The following ADD3 variants were observed in gnomAD, a reference collection of about 807,000 sequenced individuals.
The protein encoded by ADD3 is gamma-adducin.
A neutral mutation model predicts 80.2 loss-of-function variants in ADD3; 25 were observed. That is an observed-to-expected ratio of 0.31 (90% CI 0.23 to 0.44). ADD3 has a LOEUF of 0.44. Among genes scored for constraint, ADD3 ranks in the 20% least tolerant of loss-of-function variants. ADD3 has a pLI of 1.00. For missense variants in ADD3, 829 were observed against 847.5 expected, an observed-to-expected ratio of 0.98 and a Z score of 0.27; for synonymous variants, 284 against 289.6, an observed-to-expected ratio of 0.98 and a Z score of 0.20.
At chr10:110,012,795 C>T (rs776795570) in intron 1 of ADD3, among the ~76,000 whole-genome samples, 13 of 151,506 alleles carry the variant, frequency 8.6e-5, no homozygotes, top group Non-Finnish European at 1.8e-4. Context: ...AGACAGCTCT[C>T]ACTATGTTGC....
chr10:110,038,440 C>A (rs1368903099), intron 1 of ADD3, among the ~76,000 whole-genome samples: 2 of 152,200 alleles, frequency 1.3e-5, no homozygotes, highest in African/African-American at 4.8e-5. Flanking sequence ...AGCGTAAAAA[C>A]AATTTTGTAT....
At chr10:110,037,926 G>A (rs1855855560) in intron 1 of ADD3, among the ~76,000 whole-genome samples, 1 of 151,826 alleles carries the variant, frequency 6.6e-6, no homozygotes, top group African/African-American at 2.4e-5. Context: ...AATTAGCTGG[G>A]TGTGTGGTGG....
At chr10:110,056,785 A>G (rs929526021) in intron 1 of ADD3, among the ~76,000 whole-genome samples, 4 of 152,230 alleles carry the variant, frequency 2.6e-5, no homozygotes, top group Admixed American at 6.5e-5. Context: ...CTCTATAGCG[A>G]GTAAAACTTG....
chr10:110,115,661 C>T (rs1008477754), intron 3 of ADD3, among the ~76,000 whole-genome samples: 3 of 151,950 alleles, frequency 2.0e-5, no homozygotes, highest in Non-Finnish European at 2.9e-5. Flanking sequence ...ACATGGGCCT[C>T]GAGAAGAGTT....
At chr10:110,063,603 AAG>A (rs765964165) in intron 1 of ADD3, among the ~76,000 whole-genome samples, 29 of 151,240 alleles carry the variant, frequency 1.9e-4, no homozygotes, top group Non-Finnish European at 2.7e-4. Context: ...TTGCTATAGA[AAG>A]AGGGGAGGCT....
At chr10:110,129,359 G>A (rs1852636633) in intron 12 of ADD3, among the ~76,000 whole-genome samples, 1 of 152,008 alleles carries the variant, frequency 6.6e-6, no homozygotes, top group African/African-American at 2.4e-5. Context: ...ATGTTGGTCA[G>A]GCTAGTCTCG....
At chr10:110,044,118 C>T (rs1210919477) in intron 1 of ADD3, among the ~76,000 whole-genome samples, 1 of 152,152 alleles carries the variant, frequency 6.6e-6, no homozygotes, top group African/African-American at 2.4e-5. Context: ...CATGAGATCG[C>T]TTGAACCTGG....
intron 1 of ADD3, among the ~76,000 whole-genome samples, chr10:110,010,903 A>G (rs1341383468): frequency 2.6e-5 from 4 of 152,210 alleles, no homozygotes; most frequent in Non-Finnish European, 5.9e-5. Flanking sequence ...GTTTAACCAC[A>G]TCCTCTGGTA....
intron 1 of ADD3, among the ~76,000 whole-genome samples, chr10:110,022,148 A>T (rs1853752514): frequency 6.6e-6 from 1 of 151,694 alleles, no homozygotes; most frequent in Admixed American, 6.6e-5. Flanking sequence ...TTTTTTTTTT[A>T]ACACTTGATT....
rs752064287 is a variant in ADD3 at position 110,122,205 on chromosome 10, TGGA to T, written c.1062_1064del (p.Gly355del). ...TCACTTACACTGTAGCAGCGTCTGG[TGGA>T]GGAGGTGTGAATATGGGTTCCCATC... On this transcript the variant is annotated inframe_deletion, in exon 9 of 15. Transcript: ENST00000356080. 15 of 1,614,038 alleles carry T rather than the reference TGGA, an allele frequency of 9.3e-6. No homozygotes were observed. The highest frequency in any genetic ancestry group is 1.2e-5 in the Non-Finnish European group (14 of 1,180,020).
intron 1 of ADD3, among the ~76,000 whole-genome samples, chr10:110,056,919 AC>A (rs1239975766): frequency 1.3e-5 from 2 of 152,210 alleles, no homozygotes; most frequent in Non-Finnish European, 2.9e-5. Context: ...CAGTGGCTAT[AC>A]TAATGGGAAG....
chr10:110,017,401 T>G (rs1853133316), intron 1 of ADD3, among the ~76,000 whole-genome samples: 1 of 152,226 alleles, frequency 6.6e-6, no homozygotes, highest in Non-Finnish European at 1.5e-5. Flanking sequence ...TATTTGATTT[T>G]GTCTATGTTA....
chr10:110,069,643 T>C (rs1238634672), intron 1 of ADD3, among the ~76,000 whole-genome samples: 1 of 152,170 alleles, frequency 6.6e-6, no homozygotes, highest in African/African-American at 2.4e-5. Context: ...TATAATGTAG[T>C]GCCACCTTGA....
At chr10:110,026,930 T>C (rs1389845622) in intron 1 of ADD3, among the ~76,000 whole-genome samples, 4 of 152,194 alleles carry the variant, frequency 2.6e-5, no homozygotes, top group African/African-American at 9.7e-5. Context: ...ATTTCAGTAA[T>C]GTATTCGAAG....
intron 1 of ADD3, among the ~76,000 whole-genome samples, chr10:110,056,753 G>T (rs1858242928): frequency 6.6e-6 from 1 of 152,088 alleles, no homozygotes; most frequent in Non-Finnish European, 1.5e-5. Context: ...GAAACAATTG[G>T]CACACATTTA....
chr10:110,071,234 A>G (rs768050499), intron 1 of ADD3, among the ~76,000 whole-genome samples: 1 of 152,200 alleles, frequency 6.6e-6, no homozygotes, highest in Non-Finnish European at 1.5e-5. Context: ...AGAGCCCCAT[A>G]TCCTTAGATG....
At chr10:110,128,750 C>CT (rs1457570333) in intron 12 of ADD3, among the ~76,000 whole-genome samples, 1 of 152,182 alleles carries the variant, frequency 6.6e-6, no homozygotes, top group Non-Finnish European at 1.5e-5. Context: ...TTCTTATTCC[C>CT]TGAATGTTCC....
rs1253354275 is a variant in ADD3, at chr10:110,097,919, C to T, written c.-29-2706C>T. Among the ~76,000 whole-genome samples, 7 of 152,034 alleles carry T rather than the reference C, an allele frequency of 4.6e-5. No individual in the cohort carries two copies. The South Asian group carries it at 6.2e-4, about 14-fold the overall frequency. On this transcript the variant is annotated intron_variant, in intron 1 of 14. Transcript: ENST00000356080. Reference sequence around the variant, plus strand: ...CCTCCTGAGTAGCTGGGACTACAGGCGCCTGCCACCACGCCTGGCTAATTT... The same window carrying T: ...CCTCCTGAGTAGCTGGGACTACAGGTGCCTGCCACCACGCCTGGCTAATTT...
intron 2 of ADD3, among the ~76,000 whole-genome samples, chr10:110,104,726 C>T (rs904877001): frequency 8.5e-5 from 13 of 152,172 alleles, no homozygotes; most frequent in Non-Finnish European, 1.3e-4. Flanking sequence ...TAAGCACTTA[C>T]TATATGCCAA....
Sources: gnomAD v4.1 joint callset for allele counts (sites outside exome capture counted in the v4.1 genomes callset) on GRCh38, gnomAD v4.1.1 for gene constraint, MANE v1.5 for transcripts, NCBI Gene and HGNC (gene_info 2026-07-23, HGNC 2026-07-21) for gene names.